Variants in STXBP3 observed in about 807,000 individuals in gnomAD.
STXBP3 encodes the protein syntaxin-binding protein 3.
STXBP3 carries 41 observed loss-of-function variants against 85.7 expected under a neutral mutation model. The observed-to-expected ratio is 0.48, with a 90% CI of 0.37 to 0.62. The LOEUF (loss-of-function observed/expected upper bound fraction) is 0.62. STXBP3 is among the 20% of genes least tolerant of loss of function. The probability of loss-of-function intolerance (pLI) is 0.00; values close to 1 mark genes in which losing one functional copy is unlikely to be tolerated. For synonymous variants in STXBP3, 229 were observed against 231.7 expected (o/e 0.99, Z 0.10); for missense variants, 563 against 703.1 (o/e 0.80, Z 2.25).
intron 7 of STXBP3, 31 bp downstream of exon 7, chr1:108,772,850 C>T: frequency 2.0e-6 from 3 of 1,494,294 alleles, no homozygotes; most frequent in African/African-American, 1.4e-5. Flanking sequence ...ACATGTTATG[C>T]TTCCTATTTA....
rs12746572 is a variant in STXBP3 at position 108,771,549 on chromosome 1, A to T, written c.439-1116A>T. On this transcript the variant is annotated intron_variant, in intron 6 of 18. Coordinates refer to ENST00000370008, the MANE Select transcript of STXBP3 (RefSeq NM_007269.4). ...TATATATCTATATATATCATATATA[A>T]ATATATATGATATATAAATATATAT... 8.5e-5 allele frequency among the ~76,000 whole-genome samples: 6 copies of T among 70,598 alleles called. 1 individual carries two copies. Among genetic ancestry groups the T allele is most frequent in the African/African-American group, 2.6e-4 (4 of 15,242 alleles). 46.3% of individuals were successfully genotyped at this position (70,598 alleles called of 152,430 possible). A position where few individuals can be genotyped will look rare whatever the true frequency, so the allele number is the denominator to read the frequency against.
intron 11 of STXBP3, among the ~76,000 whole-genome samples, chr1:108,791,010 T>G (rs1271561242): frequency 6.6e-6 from 1 of 152,226 alleles, no homozygotes; most frequent in African/African-American, 2.4e-5. Flanking sequence ...TGGTACTGTT[T>G]ATTTCTTACT....
chr1:108,788,676 C>T (rs1424173540), intron 11 of STXBP3, among the ~76,000 whole-genome samples: 1 of 151,938 alleles, frequency 6.6e-6, no homozygotes, highest in Non-Finnish European at 1.5e-5. Flanking sequence ...TTGAAATGTC[C>T]TCTTATCCTT....
intron 5 of STXBP3, among the ~76,000 whole-genome samples, chr1:108,759,638 A>G (rs1454938872): frequency 2.6e-5 from 4 of 152,232 alleles, no homozygotes; most frequent in Non-Finnish European, 5.9e-5. Context: ...TTGGAAAAGT[A>G]GTATAAATTT....
Position 108,749,596 on chromosome 1 carries a change from C to T in STXBP3, c.50-2661C>T, listed in dbSNP as rs115425354. 2.8e-3 allele frequency among the ~76,000 whole-genome samples: 429 copies of T among 152,186 alleles called. 1 individual carries two copies. Among genetic ancestry groups the T allele is most frequent in the African/African-American group, 9.8e-3 (407 of 41,528 alleles). Reference sequence around the variant, plus strand: ...TTTCATTAGTATTTAGAGGAAATACCTCCTTAGTTCTATAGTATTTGTTGA... The same window carrying T: ...TTTCATTAGTATTTAGAGGAAATACTTCCTTAGTTCTATAGTATTTGTTGA... On this transcript the variant is annotated intron_variant, in intron 1 of 18. Transcript: ENST00000370008.
At chr1:108,783,121 C>T (rs887320989) in intron 11 of STXBP3, among the ~76,000 whole-genome samples, 2 of 152,182 alleles carry the variant, frequency 1.3e-5, no homozygotes, top group African/African-American at 4.8e-5. Context: ...AACTCCTGGC[C>T]TCAAGTGATC....
At chr1:108,805,685 A>C (rs776428499) in intron 17 of STXBP3, among the ~76,000 whole-genome samples, 12 of 152,214 alleles carry the variant, frequency 7.9e-5, no homozygotes, top group Non-Finnish European at 1.5e-4. Flanking sequence ...GGCCTCCCGA[A>C]GTGCTGGGAT....
chr1:108,802,436 T>A (rs766228999), intron 17 of STXBP3, among the ~76,000 whole-genome samples: 10 of 152,132 alleles, frequency 6.6e-5, no homozygotes, highest in Non-Finnish European at 1.2e-4. Flanking sequence ...TGTACCTGAT[T>A]GGCTGCCCAT....
intron 6 of STXBP3, among the ~76,000 whole-genome samples, chr1:108,764,182 A>G (rs553798948): frequency 6.6e-6 from 1 of 152,094 alleles, no homozygotes; most frequent in Non-Finnish European, 1.5e-5. Context: ...AATGACCTCT[A>G]GCTCCATCCA....
At chr1:108,765,570 AT>A (rs35813823) in intron 6 of STXBP3, among the ~76,000 whole-genome samples, 9 of 67,168 alleles carry the variant, frequency 1.3e-4, no homozygotes, top group Non-Finnish European at 2.8e-4. Context: ...CCACATGCTA[AT>A]TTTTTTTTTT....
intron 1 of STXBP3, among the ~76,000 whole-genome samples, chr1:108,748,409 C>T (rs886547040): frequency 1.4e-4 from 22 of 152,282 alleles, no homozygotes; most frequent in African/African-American, 5.3e-4. Context: ...GTGTTCCCAC[C>T]TACATGGGAG....
chr1:108,791,337 A>G (rs565192762), intron 11 of STXBP3, among the ~76,000 whole-genome samples: 8 of 152,178 alleles, frequency 5.3e-5, no homozygotes, highest in East Asian at 1.9e-4. Context: ...TTTGCTTGCT[A>G]TTTATCCTCC....
rs35813823 is a variant in STXBP3, at chr1:108,765,570, A to ATTTTTTTTTTTTTTTTTTTTTTTT, written c.438+5507_438+5508insTTTTTTTTTTTTTTTTTTTTTTTT. 7.4e-5 allele frequency among the ~76,000 whole-genome samples: 5 copies of ATTTTTTTTTTTTTTTTTTTTTTTT among 67,168 alleles called. 2 individuals are homozygous for ATTTTTTTTTTTTTTTTTTTTTTTT. The highest frequency in any genetic ancestry group is 1.2e-4 in the African/African-American group (2 of 16,642). The allele number at this position is 67,168 out of a possible 152,430, so 44.1% of individuals were successfully genotyped here. On this transcript the variant is annotated intron_variant, in intron 6 of 18. Transcript: ENST00000370008. ...TCATGGTAAAAAGCACCACATGCTA[A>ATTTTTTTTTTTTTTTTTTTTTTTT]TTTTTTTTTTTTTTTTTTTTTTGAG... is the stretch of plus-strand genomic sequence containing the variant.
chr1:108,754,251 G>A (rs1031748648), intron 3 of STXBP3, among the ~76,000 whole-genome samples: 3 of 151,992 alleles, frequency 2.0e-5, no homozygotes, highest in Non-Finnish European at 2.9e-5. Flanking sequence ...GCCCAGGATG[G>A]TCTCAAACTC....
chr1:108,776,163 C>T (rs1210815467), intron 7 of STXBP3, among the ~76,000 whole-genome samples, 170 bp from the exon 8 acceptor site: 2 of 151,752 alleles, frequency 1.3e-5, no homozygotes, highest in Admixed American at 6.6e-5. Context: ...CCAAATATAT[C>T]GATATAAGAT....
chr1:108,776,096 A>G (rs1449808592), intron 7 of STXBP3, among the ~76,000 whole-genome samples: 2 of 152,032 alleles, frequency 1.3e-5, no homozygotes, highest in Non-Finnish European at 2.9e-5. Context: ...GTAATATTTT[A>G]TTTCCTTTAT....
At chr1:108,763,297 A>G (rs145236410) in intron 6 of STXBP3, among the ~76,000 whole-genome samples, 36 of 152,320 alleles carry the variant, frequency 2.4e-4, no homozygotes, top group Middle Eastern at 3.4e-3. Flanking sequence ...TTTATTAACC[A>G]TTGGATAACC....
rs1663203501 is a variant in STXBP3, at chr1:108,800,261, T to C, written c.1491T>C (p.Tyr497=). 1 of 1,612,670 alleles carries C rather than the reference T, an allele frequency of 6.2e-7. No homozygotes were observed. Among genetic ancestry groups the C allele is most frequent in the Admixed American group, 1.7e-5 (1 of 60,012 alleles). ...DNRLDSKEWP[Y]CSQCPAVWNG... is the part of the protein sequence containing the mutation. ...GATTAGATTCAAAAGAATGGCCATATTGTTCCCAGTGTCCAGCAGTATGGA... is the reference window on the plus strand; with the variant it reads ...GATTAGATTCAAAAGAATGGCCATACTGTTCCCAGTGTCCAGCAGTATGGA... The change falls in exon 17 of 19, where the codon TAT becomes TAC. Residue 497 remains tyrosine, a synonymous_variant. Transcript: ENST00000370008.
chr1:108,804,570 T>C (rs906752668), intron 17 of STXBP3, among the ~76,000 whole-genome samples: 3 of 152,260 alleles, frequency 2.0e-5, no homozygotes, highest in African/African-American at 7.2e-5. Context: ...CTTGTAATTT[T>C]GAATGCTGAG....
Sources: allele counts gnomAD v4.1 joint callset (sites outside exome capture counted in the v4.1 genomes callset), GRCh38; gene constraint gnomAD v4.1.1; transcripts MANE v1.5; gene names NCBI Gene and HGNC (gene_info 2026-07-23, HGNC 2026-07-21).